Variants in CACNA1H observed in about 807,000 individuals in gnomAD.
CACNA1H encodes calcium voltage-gated channel subunit alpha1 H.
A neutral mutation model predicts 192.5 loss-of-function variants in CACNA1H; 149 were observed. The observed-to-expected ratio is 0.77, with a 90% CI of 0.68 to 0.89. CACNA1H has a LOEUF of 0.89. Among genes scored for constraint, CACNA1H ranks in the 40% least tolerant of loss-of-function variants. CACNA1H has a pLI of 0.00. For synonymous variants in CACNA1H, 2,202 were observed against 1,475.2 expected, an observed-to-expected ratio of 1.49 and a Z score of -11.29; for missense variants, 4,257 against 3,423.5, an observed-to-expected ratio of 1.24 and a Z score of -6.08.
rs12449100 is a variant in CACNA1H, at chr16:1,211,329, G to A, written c.4350+35G>A. 6.3e-3 allele frequency: 10,174 copies of A among 1,611,694 alleles called. 211 individuals are homozygous for A. The highest frequency in any genetic ancestry group is 0.049 in the Admixed American group (2,962 of 59,990). On this transcript the variant is annotated intron_variant, in intron 22 of 34. Transcript: ENST00000348261. Reference sequence around the variant, plus strand: ...CCCCACGTGCCCGGGGGTCTGCCCCGTCGCAGACAGGGTCTGCCTTCCCAG... The same window carrying A: ...CCCCACGTGCCCGGGGGTCTGCCCCATCGCAGACAGGGTCTGCCTTCCCAG...
rs1967983368 is a variant in CACNA1H at position 1,201,968 on chromosome 16, G to C, written c.1518G>C (p.Arg506=). The change falls in exon 9 of 35, where the codon CGG becomes CGC. Residue 506 remains arginine, a synonymous_variant. Transcript: ENST00000348261. The part of the protein sequence containing the change: ...QGQGPGHRQR[R]AGRHTASVHH... ...AGGGTCCCGGGCACCGCCAGCGCCG[G>C]GCAGGCAGGCACACAGCCTCGGTGC... is the stretch of plus-strand genomic sequence containing the variant. 1.9e-6 allele frequency: 3 copies of C among 1,544,060 alleles called. No homozygotes were observed. The highest frequency in any genetic ancestry group is 2.4e-5 in the South Asian group (2 of 83,938).
intron 33 of CACNA1H, 68 bp downstream of exon 33, chr16:1,218,719 G>A: frequency 7.2e-7 from 1 of 1,398,276 alleles, no homozygotes; most frequent in Non-Finnish European, 9.7e-7. Context: ...GGGGGCAGGT[G>A]GGAGGGAGGA....
chr16:1,177,345 G>A (rs962888237), intron 2 of CACNA1H, among the ~76,000 whole-genome samples: 15 of 152,192 alleles, frequency 9.9e-5, no homozygotes, highest in African/African-American at 3.1e-4. Flanking sequence ...CGGCACCCTC[G>A]GAGACAGCCT....
At chr16:1,212,185 T>G in intron 25 of CACNA1H, 47 bp downstream of exon 25, 1 of 1,558,156 alleles carries the variant, frequency 6.4e-7, no homozygotes, top group Non-Finnish European at 8.6e-7. Flanking sequence ...GGTACCTGTG[T>G]GCCCACCGGG....
Position 1,195,544 on chromosome 16 carries a change from A to T in CACNA1H, c.524A>T (p.Asp175Val). The T allele has an allele frequency of 1.2e-6, 2 of 1,605,604 alleles. No individual in the cohort carries two copies. The highest frequency in any genetic ancestry group is 1.7e-6 in the Non-Finnish European group (2 of 1,176,562). ...CTGGGTGACACGTGGAACAGGCTGG[A>T]TTTCTTCATCGTCGTGGCGGGGTAG... ...CYLGDTWNRL[D>V]FFIVVAGMME... The change falls in exon 4 of 35, where the codon GAT becomes GTT. Residue 175 changes from aspartate (D) to valine (V), a missense_variant. Transcript: ENST00000348261.
At chr16:1,160,358 AC>A (rs1304443354) in intron 2 of CACNA1H, among the ~76,000 whole-genome samples, 2 of 152,060 alleles carry the variant, frequency 1.3e-5, no homozygotes, top group African/African-American at 4.8e-5. Flanking sequence ...GCGACCACTC[AC>A]CCTGGGCAGA....
Position 1,220,088 on chromosome 16 carries a change from G to A in CACNA1H, c.6156G>A (p.Gly2052=). The change falls in exon 35 of 35, where the codon GGG becomes GGA. Residue 2052 remains glycine, a synonymous_variant. Transcript: ENST00000348261. ...EKTPVRPVTQ[G]GSLQSPPRSP... ...CCCCGGTGAGGCCGGTGACCCAGGG[G>A]GGCTCCCTGCAGTCCCCACCACGCT... 1 of 1,462,196 alleles carries A rather than the reference G, an allele frequency of 6.8e-7. No homozygotes were observed. Among genetic ancestry groups the A allele is most frequent in the South Asian group, 1.5e-5 (1 of 64,886 alleles). 90.6% of individuals were successfully genotyped at this position (1,462,196 alleles called of 1,614,324 possible). A position where few individuals can be genotyped will look rare whatever the true frequency, so the allele number is the denominator to read the frequency against.
chr16:1,209,293 C>T lies in CACNA1H; in HGVS notation c.3625C>T (p.Leu1209Phe), dbSNP rs1969139516. 6.3e-7 allele frequency: 1 copy of T among 1,585,130 alleles called. No homozygotes were observed. Among genetic ancestry groups the T allele is most frequent in the Non-Finnish European group, 8.5e-7 (1 of 1,172,630 alleles). ...LDPRPLRPAALPPTKCRDRDG... is the reference protein window; with the variant it reads ...LDPRPLRPAAFPPTKCRDRDG... Reference sequence around the variant, plus strand: ...CCCACGGCCCCTGCGGCCGGCCGCCCTCCCGCCTACCAAGTGCCGCGATCG... The same window carrying T: ...CCCACGGCCCCTGCGGCCGGCCGCCTTCCCGCCTACCAAGTGCCGCGATCG... The change falls in exon 17 of 35, where the codon CTC (leucine) becomes TTC (phenylalanine). Residue 1209 changes from leucine (L) to phenylalanine (F), a missense_variant. By Grantham distance (22) the Leu-to-Phe change is conservative. Coordinates refer to ENST00000348261, the MANE Select transcript of CACNA1H (RefSeq NM_021098.3).
In CACNA1H at chr16:1,207,943, C is replaced by T. The variant is rs1003956269; in HGVS notation, c.3155-70C>T. The T allele has an allele frequency of 6.1e-5, 94 of 1,543,198 alleles. 1 individual carries two copies. Among genetic ancestry groups the T allele is most frequent in the Admixed American group, 1.2e-4 (6 of 51,802 alleles). ...GGGCAGGGCCCCCATAAGGCAATCC[C>T]TAGGTTGGGGGATTCCTGGTCCTGG... On this transcript the variant is annotated intron_variant, in intron 15 of 34. Coordinates refer to ENST00000348261, the MANE Select transcript of CACNA1H (RefSeq NM_021098.3).
At chr16:1,184,614 C>T (rs899943239) in intron 2 of CACNA1H, among the ~76,000 whole-genome samples, 16 of 152,252 alleles carry the variant, frequency 1.1e-4, no homozygotes, top group Non-Finnish European at 2.4e-4. Flanking sequence ...TCTCAAGGGG[C>T]TGGAGGGTGC....
At chr16:1,203,343 C>G (rs986853027) in intron 9 of CACNA1H, among the ~76,000 whole-genome samples, 2 of 152,182 alleles carry the variant, frequency 1.3e-5, no homozygotes, top group Non-Finnish European at 2.9e-5. Flanking sequence ...CAAACAGAAT[C>G]CCGTAGCTAA....
rs536352406 is a variant in CACNA1H, at chr16:1,158,164, C to T, written c.299+4128C>T. Among the ~76,000 whole-genome samples the T allele has an allele frequency of 4.8e-4, 73 of 152,326 alleles. 2 individuals carry two copies. In the South Asian group the frequency reaches 0.015, roughly 31 times the overall value. The stretch of plus-strand genomic sequence containing the variant: ...ACGAGAGGGCTGGATGTGTCCCTGC[C>T]TCCTGGGCTAGTACAGGGTGGGAGA... On this transcript the variant is annotated intron_variant, in intron 2 of 34. Transcript: ENST00000348261.
intron 2 of CACNA1H, among the ~76,000 whole-genome samples, chr16:1,178,766 C>T (rs1471577958): frequency 6.6e-6 from 1 of 151,986 alleles, no homozygotes; most frequent in African/African-American, 2.4e-5. Flanking sequence ...CCAGATGCCC[C>T]TGCCCCTGTC....
At position 1,193,497 on chromosome 16, in the gene CACNA1H, T is replaced by A. The variant is rs547540849; in HGVS notation, c.300-1475T>A. On this transcript the variant is annotated intron_variant, in intron 2 of 34. Coordinates refer to ENST00000348261, the MANE Select transcript of CACNA1H (RefSeq NM_021098.3). ...GCTTGCCGTGAAGGCGCTCACACACTCTGGCCGCTGGGGTCGCAGTGGGTG... is the reference window on the plus strand; with the variant it reads ...GCTTGCCGTGAAGGCGCTCACACACACTGGCCGCTGGGGTCGCAGTGGGTG... 7.3e-4 allele frequency among the ~76,000 whole-genome samples: 111 copies of A among 152,246 alleles called. 1 individual carries two copies. In the South Asian group the frequency reaches 0.02, roughly 28 times the overall value.
At chr16:1,173,538 C>G (rs997112404) in intron 2 of CACNA1H, among the ~76,000 whole-genome samples, 1 of 152,168 alleles carries the variant, frequency 6.6e-6, no homozygotes, top group Non-Finnish European at 1.5e-5. Flanking sequence ...AATAATAAGC[C>G]CTTTGTGTGT....
At chr16:1,172,595 C>G (rs984865161) in intron 2 of CACNA1H, among the ~76,000 whole-genome samples, 1 of 152,182 alleles carries the variant, frequency 6.6e-6, no homozygotes, top group African/African-American at 2.4e-5. Flanking sequence ...CCGCTGGATC[C>G]TAGCAGGAGC....
Position 1,180,085 on chromosome 16 carries a change from CG to C in CACNA1H, c.300-14884del, listed in dbSNP as rs1965317449. On this transcript the variant is annotated intron_variant, in intron 2 of 34. Coordinates refer to ENST00000348261, the MANE Select transcript of CACNA1H (RefSeq NM_021098.3). The surrounding 1 kb of genome is among the most constrained non-coding windows in gnomAD (Gnocchi z 4.4). Reference sequence around the variant, plus strand: ...GGTTGCCGGGTGATACTGAGGGGGCCGGGCTCTGCAGGCACAGGGCTGAGGG... The same window carrying C: ...GGTTGCCGGGTGATACTGAGGGGGCCGGCTCTGCAGGCACAGGGCTGAGGG... Among the ~76,000 whole-genome samples, 1 of 152,164 alleles carries C rather than the reference CG, an allele frequency of 6.6e-6. No individual in the cohort carries two copies. The highest frequency in any genetic ancestry group is 1.5e-5 in the Non-Finnish European group (1 of 68,032).
chr16:1,184,541 C>T (rs533381192), intron 2 of CACNA1H, among the ~76,000 whole-genome samples: 89 of 152,372 alleles, frequency 5.8e-4, no homozygotes, highest in African/African-American at 1.9e-3. Context: ...GCACGGATGC[C>T]GCATCAGCCT....
At position 1,158,903 on chromosome 16, in the gene CACNA1H, T is replaced by C. The variant is rs376960451; in HGVS notation, c.299+4867T>C. Reference sequence around the variant, plus strand: ...AGGGCCCCCGCTCAGCCCGCACCCCTGGCCCCGCAGAGCCCCCCCGCTCAG... The same window carrying C: ...AGGGCCCCCGCTCAGCCCGCACCCCCGGCCCCGCAGAGCCCCCCCGCTCAG... On this transcript the variant is annotated intron_variant, in intron 2 of 34. Coordinates refer to ENST00000348261, the MANE Select transcript of CACNA1H (RefSeq NM_021098.3). 9.9e-3 allele frequency among the ~76,000 whole-genome samples: 1,481 copies of C among 149,662 alleles called. 22 individuals are homozygous for C. Among genetic ancestry groups the C allele is most frequent in the African/African-American group, 0.034 (1,385 of 40,338 alleles).
Sources: allele counts gnomAD v4.1 joint callset (sites outside exome capture counted in the v4.1 genomes callset), GRCh38; gene constraint gnomAD v4.1.1; non-coding constraint Gnocchi (gnomAD v3.1); transcripts MANE v1.5; gene names NCBI Gene and HGNC (gene_info 2026-07-23, HGNC 2026-07-21).